The following ESRRG variants were observed in gnomAD, a reference collection of about 807,000 sequenced individuals.
ESRRG encodes estrogen-related receptor gamma.
In ESRRG, 13 loss-of-function variants were observed where a neutral mutation model predicts 44.0. The ratio of observed to expected loss-of-function variants is 0.30; its 90% confidence interval spans 0.19 to 0.47. The LOEUF (loss-of-function observed/expected upper bound fraction) is 0.47, where lower values mean the gene tolerates loss of function less well. ESRRG is among the 20% of genes least tolerant of loss of function. The pLI, the probability that ESRRG is intolerant of heterozygous loss-of-function variation, is 1.00. For missense variants in ESRRG, 395 were observed against 580.6 expected, an observed-to-expected ratio of 0.68 and a Z score of 3.29; for synonymous variants, 215 against 214.6, an observed-to-expected ratio of 1.00 and a Z score of -0.02.
At chr1:216,690,152 G>A (rs2078797382) in intron 1 of ESRRG, among the ~76,000 whole-genome samples, 1 of 152,086 alleles carries the variant, frequency 6.6e-6, no homozygotes, top group Non-Finnish European at 1.5e-5. Flanking sequence ...GCTTAGGAAT[G>A]TGTATCACAG....
At position 216,538,929 on chromosome 1, in the gene ESRRG, G is replaced by A. The variant is rs76096852; in HGVS notation, c.863-19508C>T. 1.0e-3 allele frequency among the ~76,000 whole-genome samples: 153 copies of A among 152,014 alleles called. 1 individual carries two copies. In the East Asian group the frequency reaches 0.017, roughly 17 times the overall value. Reference sequence around the variant, plus strand: ...CAGGCAAGGGAGATGATGCCACCTAGATAAACAAATTCCACCATTATATTA... The same window carrying A: ...CAGGCAAGGGAGATGATGCCACCTAAATAAACAAATTCCACCATTATATTA... On this transcript the variant is annotated intron_variant, in intron 5 of 6. Transcript: ENST00000408911.
intron 6 of ESRRG, among the ~76,000 whole-genome samples, chr1:216,512,332 T>C (rs149106705): frequency 1.8e-4 from 28 of 152,286 alleles, no homozygotes; most frequent in Non-Finnish European, 2.8e-4. Flanking sequence ...TCCAAGACTA[T>C]GCAATCTTCA....
At chr1:217,008,270 A>C (rs2078044519) in intron 1 of ESRRG, among the ~76,000 whole-genome samples, 1 of 152,256 alleles carries the variant, frequency 6.6e-6, no homozygotes, top group African/African-American at 2.4e-5. Context: ...GTTCAAGGTT[A>C]CAAAGCTCAG....
At chr1:216,812,162 A>G (rs1475960962) in intron 2 of ESRRG, among the ~76,000 whole-genome samples, 1 of 152,224 alleles carries the variant, frequency 6.6e-6, no homozygotes, top group African/African-American at 2.4e-5. Context: ...AGATACCAAA[A>G]GAAACAATTA....
chr1:216,750,849 T>C (rs1227591969), intron 2 of ESRRG, among the ~76,000 whole-genome samples: 1 of 152,128 alleles, frequency 6.6e-6, no homozygotes, highest in Admixed American at 6.6e-5. Context: ...CTGATGTGCT[T>C]TCAGTAAAGA....
intron 1 of ESRRG, among the ~76,000 whole-genome samples, chr1:216,683,648 C>G (rs960158355): frequency 3.3e-5 from 5 of 152,052 alleles, no homozygotes; most frequent in Non-Finnish European, 5.9e-5. Flanking sequence ...CTGCTGCAAG[C>G]AAAAAGGAAA....
At chr1:216,924,527 G>A (rs1206493340) in intron 2 of ESRRG, among the ~76,000 whole-genome samples, 1 of 152,170 alleles carries the variant, frequency 6.6e-6, no homozygotes, top group African/African-American at 2.4e-5. Context: ...TGTTAGAGCA[G>A]ATAATAAAAT....
intron 4 of ESRRG, among the ~76,000 whole-genome samples, chr1:216,567,054 A>G (rs2059802396): frequency 6.6e-6 from 1 of 152,182 alleles, no homozygotes; most frequent in Non-Finnish European, 1.5e-5. Context: ...CTGAAGGCAG[A>G]TCAAAAATTA....
chr1:216,909,681 G>A (rs1339764252), intron 2 of ESRRG, among the ~76,000 whole-genome samples: 5 of 151,978 alleles, frequency 3.3e-5, no homozygotes, highest in Non-Finnish European at 5.9e-5. Flanking sequence ...CACCGTGCCC[G>A]GCCTCCTTAC....
intron 2 of ESRRG, among the ~76,000 whole-genome samples, chr1:216,893,801 T>C (rs1201695292): frequency 6.6e-6 from 1 of 152,116 alleles, no homozygotes; most frequent in African/African-American, 2.4e-5. Context: ...GTAAAATAAA[T>C]GTAAACTTTG....
intron 1 of ESRRG, among the ~76,000 whole-genome samples, chr1:217,021,490 A>T (rs773333679): frequency 6.6e-6 from 1 of 152,238 alleles, no homozygotes; most frequent in Non-Finnish European, 1.5e-5. Context: ...AAAGGCAGAT[A>T]TAAAATGCAG....
intron 2 of ESRRG, among the ~76,000 whole-genome samples, chr1:216,779,907 C>A (rs571352492): frequency 4.5e-4 from 68 of 151,782 alleles, no homozygotes; most frequent in African/African-American, 1.5e-3. Context: ...CCATTAGATT[C>A]ACATTAAAAA....
At chr1:216,918,120 C>T (rs948708607) in intron 2 of ESRRG, among the ~76,000 whole-genome samples, 7 of 152,060 alleles carry the variant, frequency 4.6e-5, no homozygotes, top group African/African-American at 1.4e-4. Context: ...ACATGTTTTG[C>T]GAAATTTAAA....
At chr1:216,625,274 T>C (rs1338192567) in intron 3 of ESRRG, among the ~76,000 whole-genome samples, 1 of 152,096 alleles carries the variant, frequency 6.6e-6, no homozygotes, top group Admixed American at 6.6e-5. Flanking sequence ...TTATATTAAC[T>C]CTTAACTACC....
chr1:216,804,512 G>A (rs967158642), intron 2 of ESRRG, among the ~76,000 whole-genome samples: 8 of 151,938 alleles, frequency 5.3e-5, no homozygotes, highest in African/African-American at 1.9e-4. Flanking sequence ...ATAAGCCCTG[G>A]GATTTTAGAG....
At chr1:216,847,491 G>C (rs2095771998) in intron 2 of ESRRG, among the ~76,000 whole-genome samples, 1 of 152,066 alleles carries the variant, frequency 6.6e-6, no homozygotes, top group South Asian at 2.1e-4. Context: ...GGGGGAGTAT[G>C]AACGCTTTTT....
At chr1:216,682,427 A>C (rs558296017) in intron 1 of ESRRG, among the ~76,000 whole-genome samples, 4 of 152,306 alleles carry the variant, frequency 2.6e-5, no homozygotes, top group African/African-American at 9.6e-5. Flanking sequence ...TGCTTTAAAA[A>C]TTTATTTCCA....
At chr1:216,798,832 G>A (rs1474850185) in intron 2 of ESRRG, among the ~76,000 whole-genome samples, 2 of 152,140 alleles carry the variant, frequency 1.3e-5, no homozygotes, top group East Asian at 3.9e-4. Flanking sequence ...TACCTATGGA[G>A]CTGTTGTGGA....
intron 1 of ESRRG, among the ~76,000 whole-genome samples, chr1:217,085,401 G>A (rs548926639): frequency 1.3e-4 from 19 of 149,678 alleles, no homozygotes; most frequent in Middle Eastern, 3.7e-3. Flanking sequence ...TACAAACGTC[G>A]TATTATAGAT....
Sources: gnomAD v4.1 joint callset for allele counts (sites outside exome capture counted in the v4.1 genomes callset) on GRCh38, gnomAD v4.1.1 for gene constraint, MANE v1.5 for transcripts, NCBI Gene and HGNC (gene_info 2026-07-23, HGNC 2026-07-21) for gene names.